The following KRIT1 variants were observed in gnomAD, a reference collection of about 807,000 sequenced individuals.
KRIT1 encodes KRIT1 ankyrin repeat containing.
Under a neutral mutation model 95.8 loss-of-function variants are expected in KRIT1, and 45 were observed. That is an observed-to-expected ratio of 0.47 (90% CI 0.37 to 0.60). The LOEUF (loss-of-function observed/expected upper bound fraction) is 0.60. Among genes scored for constraint, KRIT1 ranks in the 20% least tolerant of loss-of-function variants. The pLI, the probability that KRIT1 is intolerant of heterozygous loss-of-function variation, is 0.00. For missense variants in KRIT1, 788 were observed against 877.5 expected (o/e 0.90, Z 1.29); for synonymous variants, 282 against 278.8 (o/e 1.01, Z -0.11).
chr7:92,229,501 C>A (rs1003854441), intron 10 of KRIT1, among the ~76,000 whole-genome samples: 4 of 152,126 alleles, frequency 2.6e-5, no homozygotes, highest in African/African-American at 7.2e-5. Context: ...AGATACTTTT[C>A]TAAAGAAGAC....
chr7:92,222,313 TTTAA>T (rs1229230161), intron 13 of KRIT1, among the ~76,000 whole-genome samples: 1 of 152,178 alleles, frequency 6.6e-6, no homozygotes, highest in East Asian at 1.9e-4. Context: ...TTATAGCCTA[TTTAA>T]TTATGACATA....
chr7:92,242,382 C>T (rs1799875313), intron 3 of KRIT1, among the ~76,000 whole-genome samples: 2 of 152,102 alleles, frequency 1.3e-5, no homozygotes, highest in African/African-American at 4.8e-5. Context: ...TTTAAGATTT[C>T]CTTTGTATTT....
chr7:92,230,689 A>AAAAAG (rs1797097613), intron 10 of KRIT1, among the ~76,000 whole-genome samples: 1 of 152,164 alleles, frequency 6.6e-6, no homozygotes, highest in Non-Finnish European at 1.5e-5. Context: ...GTAGGTGTGG[A>AAAAAG]AAAAGAAAAG....
chr7:92,230,845 T>C (rs972662754), intron 10 of KRIT1, among the ~76,000 whole-genome samples: 8 of 151,990 alleles, frequency 5.3e-5, no homozygotes, highest in Non-Finnish European at 8.8e-5. Context: ...AAAAGGAGTA[T>C]AGGGATTATG....
In KRIT1 at chr7:92,222,825, G is replaced by C; in HGVS notation, c.1408C>G (p.Leu470Val). ...AACATAATAAAAACTTTCTTACTGA[G>C]GTTTTCTGAACAAATCCATATAGTG... Reference protein sequence around the residue: ...YFTIWICSENLSLQLKPYHKP... With the variant: ...YFTIWICSENVSLQLKPYHKP... The change falls in exon 13 of 19, where the codon CTC becomes GTC. Residue 470 changes from leucine (L) to valine (V), a missense_variant. Leu to Val is a conservative substitution (Grantham distance 32). Coordinates refer to ENST00000394505, the MANE Select transcript of KRIT1 (RefSeq NM_194454.3). The C allele has an allele frequency of 6.3e-7, 1 of 1,596,992 alleles. No homozygotes were observed. The highest frequency in any genetic ancestry group is 8.6e-7 in the Non-Finnish European group (1 of 1,164,802).
rs1348033582 is a variant in KRIT1, at chr7:92,242,301, C to T, written c.-2-164G>A. On this transcript the variant is annotated intron_variant, in intron 3 of 18. Transcript: ENST00000394505. ...GTTCTCTATCCTAGAATATACAGTG[C>T]CTAAAAGGCAAGCCAGGAATGACTT... The T allele has an allele frequency of 3.5e-5, 21 of 597,280 alleles. 1 individual carries two copies. In the Admixed American group the frequency reaches 5.9e-4, roughly 17 times the overall value. The allele number at this position is 597,280 out of a possible 1,614,324, so 37.0% of individuals were successfully genotyped here.
chr7:92,227,870 G>C (rs898374287), intron 10 of KRIT1, among the ~76,000 whole-genome samples: 1 of 152,054 alleles, frequency 6.6e-6, no homozygotes, highest in African/African-American at 2.4e-5. Context: ...AAATTAGCTG[G>C]GTGTGGTGGC....
chr7:92,214,820 T>C, intron 14 of KRIT1, 43 bp from the exon 15 acceptor site: 1 of 1,328,620 alleles, frequency 7.5e-7, no homozygotes, highest in African/African-American at 1.4e-5. Flanking sequence ...CTACAATTTC[T>C]TTTTACAAAT....
intron 6 of KRIT1, among the ~76,000 whole-genome samples, chr7:92,236,953 T>C (rs894018797): frequency 6.6e-6 from 1 of 152,190 alleles, no homozygotes; most frequent in African/African-American, 2.4e-5. Context: ...GTGATTAATA[T>C]AGTATATCAT....
chr7:92,241,086 T>C lies in KRIT1; in HGVS notation c.169A>G (p.Lys57Glu). 1.9e-6 allele frequency: 3 copies of C among 1,611,790 alleles called. No individual in the cohort carries two copies. The South Asian group carries it at 3.3e-5, about 18-fold the overall frequency. Residue 57 changes from lysine (K) to glutamate (E), a missense_variant, in exon 5 of 19, where the codon AAA becomes GAA. Lys to Glu is a moderately conservative substitution (Grantham distance 56). Around this residue, in one of 3 missense-constraint regions of KRIT1, gnomAD observed 289 missense variants for 277.5 expected, o/e 1.04. Transcript: ENST00000394505. ...KKRKKVLLET[K>E]LQGNSEITQG... The stretch of plus-strand genomic sequence containing the variant: ...GTTATTTCACTGTTGCCTTGAAGTT[T>C]CGTTTCCAATAAAACTTTCTTTCTC...
intron 3 of KRIT1, among the ~76,000 whole-genome samples, chr7:92,242,872 G>A (rs770905491): frequency 4.6e-5 from 7 of 152,182 alleles, no homozygotes; most frequent in Non-Finnish European, 1.0e-4. Context: ...CTAGAGTGCA[G>A]TGACAATCTC....
intron 5 of KRIT1, 134 bp downstream of exon 5, chr7:92,240,859 C>CT (rs1799463646): frequency 1.3e-6 from 1 of 754,998 alleles, no homozygotes; most frequent in African/African-American, 1.8e-5. Context: ...TTAAAAAACA[C>CT]TTGAGTTTTT....
At chr7:92,209,070 T>C (rs1792200207) in intron 17 of KRIT1, among the ~76,000 whole-genome samples, 1 of 151,714 alleles carries the variant, frequency 6.6e-6, no homozygotes, top group Admixed American at 6.6e-5. Context: ...ATACAATCAA[T>C]AGAATGAAGG....
intron 14 of KRIT1, 60 bp downstream of exon 14, chr7:92,221,842 A>G: frequency 6.9e-7 from 1 of 1,451,902 alleles, no homozygotes; most frequent in Non-Finnish European, 9.6e-7. Context: ...TAGTGCTTAC[A>G]ATAGAAACTC....
chr7:92,209,186 G>A (rs1272929067), intron 17 of KRIT1, among the ~76,000 whole-genome samples: 2 of 151,826 alleles, frequency 1.3e-5, no homozygotes, highest in Non-Finnish European at 2.9e-5. Flanking sequence ...CACATAGAAG[G>A]AACATACTTC....
intron 12 of KRIT1, among the ~76,000 whole-genome samples, chr7:92,223,273 C>CAAAAA (rs568078150): frequency 2.4e-5 from 1 of 42,112 alleles, no homozygotes; most frequent in Non-Finnish European, 5.3e-5. Flanking sequence ...ACTAAAAATA[C>CAAAAA]AAAAAAAAAA....
chr7:92,223,595 TTAATG>T (rs1202269291), intron 12 of KRIT1, among the ~76,000 whole-genome samples: 2 of 152,202 alleles, frequency 1.3e-5, no homozygotes, highest in African/African-American at 4.8e-5. Context: ...TTTAGCGCCT[TTAATG>T]TAATGTAAAT....
intron 14 of KRIT1, 23 bp downstream of exon 14, chr7:92,221,869 TTAAATAACTG>T (rs754142910): frequency 6.3e-7 from 1 of 1,595,206 alleles, no homozygotes; most frequent in Non-Finnish European, 8.6e-7. Flanking sequence ...TTTTGTGCAT[TTAAATAACTG>T]TAAATAAGAT....
chr7:92,241,174 G>A (rs1343502053), intron 4 of KRIT1, 22 bp from the exon 5 acceptor site: 4 of 1,565,464 alleles, frequency 2.6e-6, no homozygotes, highest in Admixed American at 1.7e-5. Context: ...AAAACATTAA[G>A]AGAAAGCTTA....
Sources: allele counts gnomAD v4.1 joint callset (sites outside exome capture counted in the v4.1 genomes callset), GRCh38; gene constraint gnomAD v4.1.1; regional missense constraint gnomAD v4.1.1; transcripts MANE v1.5; gene names NCBI Gene and HGNC (gene_info 2026-07-23, HGNC 2026-07-21).